The following KCNJ3 variants were observed in gnomAD, a reference collection of about 807,000 sequenced individuals.
KCNJ3 encodes G protein-activated inward rectifier potassium channel 1.
In KCNJ3, 4 loss-of-function variants were observed where a neutral mutation model predicts 39.2. That is an observed-to-expected ratio of 0.10 (90% CI 0.05 to 0.23). The LOEUF (loss-of-function observed/expected upper bound fraction) is 0.23, where lower values mean the gene tolerates loss of function less well. Among genes scored for constraint, KCNJ3 ranks in the 10% least tolerant of loss-of-function variants. KCNJ3 has a pLI of 1.00. For synonymous variants in KCNJ3, 230 were observed against 237.4 expected (o/e 0.97, Z 0.29); for missense variants, 276 against 634.9 (o/e 0.43, Z 6.08).
intron 2 of KCNJ3, among the ~76,000 whole-genome samples, chr2:154,803,965 T>TA (rs754644065): frequency 5.3e-5 from 8 of 152,204 alleles, no homozygotes; most frequent in South Asian, 2.1e-4. Flanking sequence ...ACAGTTGTGT[T>TA]AGAGTATTTC....
chr2:154,751,000 A>G (rs1685834873), intron 2 of KCNJ3, among the ~76,000 whole-genome samples: 1 of 151,918 alleles, frequency 6.6e-6, no homozygotes, highest in Admixed American at 6.6e-5. Flanking sequence ...TTGCTTTATA[A>G]TAATAACTTA....
intron 2 of KCNJ3, among the ~76,000 whole-genome samples, chr2:154,717,027 A>G (rs1685193018): frequency 6.6e-6 from 1 of 152,232 alleles, no homozygotes; most frequent in Admixed American, 6.5e-5. Context: ...AAGTTAGGCT[A>G]CAGCAGGGAC....
intron 2 of KCNJ3, among the ~76,000 whole-genome samples, chr2:154,804,672 A>G (rs1018671807): frequency 2.6e-5 from 4 of 152,142 alleles, no homozygotes; most frequent in African/African-American, 9.6e-5. Context: ...AGTAGGTATT[A>G]TCTACATTGT....
intron 2 of KCNJ3, among the ~76,000 whole-genome samples, chr2:154,853,022 A>G (rs1403808811): frequency 2.0e-5 from 3 of 151,972 alleles, no homozygotes; most frequent in South Asian, 2.1e-4. Flanking sequence ...TTTTCTCTAC[A>G]GCTTATTAGA....
At chr2:154,821,999 A>G (rs1430073773) in intron 2 of KCNJ3, among the ~76,000 whole-genome samples, 1 of 151,952 alleles carries the variant, frequency 6.6e-6, no homozygotes, top group East Asian at 1.9e-4. Context: ...TACACCAAAG[A>G]GTGCAATCAT....
intron 2 of KCNJ3, among the ~76,000 whole-genome samples, chr2:154,804,869 A>C (rs1372211901): frequency 6.6e-6 from 1 of 152,148 alleles, no homozygotes; most frequent in East Asian, 1.9e-4. Flanking sequence ...CTACAGTAAG[A>C]ATTACACATT....
intron 2 of KCNJ3, among the ~76,000 whole-genome samples, chr2:154,771,621 T>C (rs970795545): frequency 6.6e-6 from 1 of 152,262 alleles, no homozygotes; most frequent in Middle Eastern, 3.4e-3. Flanking sequence ...TAGAGCTCCT[T>C]AAACTCTGGA....
In KCNJ3 at chr2:154,698,708, T is replaced by G; in HGVS notation, c.-68T>G. 4.1e-6 allele frequency: 2 copies of G among 493,282 alleles called. No individual in the cohort carries two copies. The highest frequency in any genetic ancestry group is 7.2e-6 in the Non-Finnish European group (2 of 276,002). The allele number at this position is 493,282 out of a possible 1,614,324, so 30.6% of individuals were successfully genotyped here. A position where few individuals can be genotyped will look rare whatever the true frequency, so the allele number is the denominator to read the frequency against. ...TCCCCCGCCCCCACCTCCTTATTGG[T>G]GCTAGTTTGCAGCGCCCAGCTCCTG... On this transcript the variant is annotated 5_prime_UTR_variant, in exon 1 of 3. Coordinates refer to ENST00000295101, the MANE Select transcript of KCNJ3 (RefSeq NM_002239.4).
chr2:154,723,467 A>AAAAC (rs775723210), intron 2 of KCNJ3, among the ~76,000 whole-genome samples: 118 of 152,276 alleles, frequency 7.7e-4, no homozygotes, highest in Non-Finnish European at 1.5e-3. Flanking sequence ...TATGAGGCAA[A>AAAAC]AAACAAACAA....
At chr2:154,748,916 T>G (rs1211432734) in intron 2 of KCNJ3, among the ~76,000 whole-genome samples, 2 of 152,120 alleles carry the variant, frequency 1.3e-5, no homozygotes, top group African/African-American at 4.8e-5. Context: ...CACTTCACAG[T>G]GAAAAATGAA....
intron 2 of KCNJ3, among the ~76,000 whole-genome samples, chr2:154,745,563 T>A (rs1410323233): frequency 1.3e-5 from 2 of 152,094 alleles, no homozygotes; most frequent in Non-Finnish European, 2.9e-5. Flanking sequence ...TGCATTTCTT[T>A]GTTGCCACTA....
intron 2 of KCNJ3, among the ~76,000 whole-genome samples, chr2:154,777,760 A>G (rs1316857493): frequency 2.0e-5 from 3 of 152,194 alleles, no homozygotes; most frequent in Non-Finnish European, 4.4e-5. Flanking sequence ...TTTTTCGCAT[A>G]AACCTACTGA....
intron 2 of KCNJ3, among the ~76,000 whole-genome samples, chr2:154,834,373 T>G (rs1687413457): frequency 6.6e-6 from 1 of 152,144 alleles, no homozygotes; most frequent in South Asian, 2.1e-4. Flanking sequence ...TTTGCCCATA[T>G]TTTATTGAGG....
intron 2 of KCNJ3, among the ~76,000 whole-genome samples, chr2:154,836,972 T>G (rs1687476625): frequency 6.6e-6 from 1 of 152,142 alleles, no homozygotes; most frequent in African/African-American, 2.4e-5. Flanking sequence ...ATTTTAAAAT[T>G]GTCAGGTAAA....
intron 2 of KCNJ3, among the ~76,000 whole-genome samples, chr2:154,717,323 T>A (rs1685198451): frequency 6.6e-6 from 1 of 152,192 alleles, no homozygotes; most frequent in South Asian, 2.1e-4. Context: ...CTGCAGGCCA[T>A]AAAGCTCTTG....
chr2:154,828,963 C>A (rs1381142263), intron 2 of KCNJ3, among the ~76,000 whole-genome samples: 1 of 152,044 alleles, frequency 6.6e-6, no homozygotes, highest in East Asian at 1.9e-4. Flanking sequence ...ATAATGTTTA[C>A]ATCTGAAGTT....
chr2:154,733,662 A>G (rs1374901824), intron 2 of KCNJ3, among the ~76,000 whole-genome samples: 1 of 152,208 alleles, frequency 6.6e-6, no homozygotes, highest in Non-Finnish European at 1.5e-5. Context: ...GCTTCATATT[A>G]TAAGGAGGTG....
chr2:154,794,538 G>T (rs1686687708), intron 2 of KCNJ3, among the ~76,000 whole-genome samples: 1 of 151,960 alleles, frequency 6.6e-6, no homozygotes, highest in Non-Finnish European at 1.5e-5. Flanking sequence ...ATGACTGAGT[G>T]GAGGAGAGAA....
In KCNJ3 at chr2:154,816,833, G is replaced by A. The variant is rs371914587; in HGVS notation, c.920-37894G>A. Among the ~76,000 whole-genome samples the A allele has an allele frequency of 3.9e-5, 6 of 152,096 alleles. No individual in the cohort carries two copies. The East Asian group carries it at 7.7e-4, about 20-fold the overall frequency. On this transcript the variant is annotated intron_variant, in intron 2 of 2. Coordinates refer to ENST00000295101, the MANE Select transcript of KCNJ3 (RefSeq NM_002239.4). ...ACACATTCTAAAATATGGATGTAAA[G>A]TGTATGGATGTAAAGTGTATGGATG... is the stretch of plus-strand genomic sequence containing the variant.
Sources: gnomAD v4.1 joint callset for allele counts (sites outside exome capture counted in the v4.1 genomes callset) on GRCh38, gnomAD v4.1.1 for gene constraint, MANE v1.5 for transcripts, NCBI Gene and HGNC (gene_info 2026-07-23, HGNC 2026-07-21) for gene names.